The following FSTL4 variants were observed in gnomAD, a reference collection of about 807,000 sequenced individuals.
FSTL4 encodes follistatin-related protein 4.
FSTL4 carries 28 observed loss-of-function variants against 78.2 expected under a neutral mutation model. The ratio of observed to expected loss-of-function variants is 0.36; its 90% CI spans 0.27 to 0.49. FSTL4 has a LOEUF of 0.49. FSTL4 is among the 20% of genes least tolerant of loss of function. FSTL4 has a pLI of 0.98. For missense variants in FSTL4, 922 were observed against 1,084.9 expected, an observed-to-expected ratio of 0.85 and a Z score of 2.11; for synonymous variants, 422 against 440.5, an observed-to-expected ratio of 0.96 and a Z score of 0.53.
intron 6 of FSTL4, among the ~76,000 whole-genome samples, chr5:133,258,898 C>A (rs1036287624): frequency 6.6e-6 from 1 of 152,192 alleles, no homozygotes; most frequent in Non-Finnish European, 1.5e-5. Context: ...AGGTCAGGAA[C>A]CTTCTGAGAA....
At chr5:133,324,223 G>A (rs7729554) in intron 4 of FSTL4, among the ~76,000 whole-genome samples, 91,610 of 152,086 alleles carry the variant, frequency 0.6, 28,230 homozygotes, top group Middle Eastern at 0.68. Context: ...TGTAAAAGGC[G>A]TGGGTGGGGC....
chr5:133,501,277 A>C (rs533206614), intron 3 of FSTL4, among the ~76,000 whole-genome samples: 33 of 152,310 alleles, frequency 2.2e-4, no homozygotes, highest in Non-Finnish European at 4.3e-4. Context: ...AAGAAAAAAA[A>C]AAAATAAAAA....
chr5:133,589,987 C>T (rs1760590122), intron 2 of FSTL4, among the ~76,000 whole-genome samples: 1 of 152,170 alleles, frequency 6.6e-6, no homozygotes, highest in Non-Finnish European at 1.5e-5. Flanking sequence ...AATTAATCTA[C>T]TTAGTGCTTT....
the FSTL4 span, among the ~76,000 whole-genome samples, chr5:133,730,285 A>C: frequency 6.6e-6 from 1 of 152,182 alleles, no homozygotes; most frequent in African/African-American, 2.4e-5. Context: ...GTGTCCCCTC[A>C]TCAAGATTCT....
At chr5:133,415,644 G>A (rs1756565291) in intron 3 of FSTL4, among the ~76,000 whole-genome samples, 1 of 152,156 alleles carries the variant, frequency 6.6e-6, no homozygotes, top group Non-Finnish European at 1.5e-5. Context: ...GACATCACAA[G>A]TGGGAGGGTG....
chr5:133,719,980 T>C, the FSTL4 span, among the ~76,000 whole-genome samples: 6 of 152,314 alleles, frequency 3.9e-5, no homozygotes, highest in South Asian at 2.1e-4. Context: ...TGAATATCCA[T>C]ATTCAAGCTT....
chr5:133,359,872 G>C (rs1295953778), intron 4 of FSTL4, among the ~76,000 whole-genome samples: 1 of 152,102 alleles, frequency 6.6e-6, no homozygotes, highest in Non-Finnish European at 1.5e-5. Flanking sequence ...GAGCTTTCCC[G>C]GGGAGCCAAG....
intron 2 of FSTL4, among the ~76,000 whole-genome samples, chr5:133,581,454 T>C (rs1208899651): frequency 6.6e-6 from 1 of 152,212 alleles, no homozygotes; most frequent in Admixed American, 6.5e-5. Flanking sequence ...CGGCATGCAA[T>C]GTCACTCCTC....
intron 4 of FSTL4, among the ~76,000 whole-genome samples, chr5:133,370,773 C>A (rs1244125510): frequency 6.6e-6 from 1 of 152,046 alleles, no homozygotes; most frequent in Non-Finnish European, 1.5e-5. Context: ...CAGCCTCGCC[C>A]TCAGAGCAGA....
chr5:133,360,345 A>G (rs1379849771), intron 4 of FSTL4, among the ~76,000 whole-genome samples: 2 of 152,210 alleles, frequency 1.3e-5, no homozygotes, highest in Non-Finnish European at 2.9e-5. Flanking sequence ...ACCTTAACAC[A>G]TGAAAATGTG....
chr5:133,630,674 T>A, the FSTL4 span, among the ~76,000 whole-genome samples: 2 of 152,228 alleles, frequency 1.3e-5, no homozygotes, highest in African/African-American at 4.8e-5. Flanking sequence ...AAAGAGCCCG[T>A]ATAGTCAAGA....
intron 4 of FSTL4, among the ~76,000 whole-genome samples, chr5:133,318,940 G>A (rs1340827541): frequency 6.6e-6 from 1 of 152,258 alleles, no homozygotes; most frequent in Non-Finnish European, 1.5e-5. Flanking sequence ...CGCCCTGGGA[G>A]TTCTTGGGGT....
chr5:133,748,999 C>T, the FSTL4 span, among the ~76,000 whole-genome samples: 1 of 152,172 alleles, frequency 6.6e-6, no homozygotes, highest in Non-Finnish European at 1.5e-5. Flanking sequence ...TACCCACCCT[C>T]TCAAGGATAG....
the FSTL4 span, among the ~76,000 whole-genome samples, chr5:133,808,858 G>GCCACCCC: frequency 1.5e-5 from 1 of 65,494 alleles, no homozygotes; most frequent in Non-Finnish European, 3.2e-5. Flanking sequence ...CCCGCCCCCC[G>GCCACCCC]CCACCCCCCA....
intron 3 of FSTL4, among the ~76,000 whole-genome samples, chr5:133,532,598 A>C (rs1366449721): frequency 6.6e-6 from 1 of 152,166 alleles, no homozygotes; most frequent in Non-Finnish European, 1.5e-5. Flanking sequence ...GCCACTCATA[A>C]ACAGGACTCT....
intron 3 of FSTL4, among the ~76,000 whole-genome samples, chr5:133,550,174 G>A (rs1331906457): frequency 6.6e-6 from 1 of 152,196 alleles, no homozygotes; most frequent in Non-Finnish European, 1.5e-5. Context: ...GTATTTAAAG[G>A]ATTGCTTAAA....
intron 3 of FSTL4, among the ~76,000 whole-genome samples, chr5:133,565,102 T>C (rs1759998955): frequency 6.6e-6 from 1 of 152,218 alleles, no homozygotes; most frequent in African/African-American, 2.4e-5. Context: ...GAAGACTTTC[T>C]AGACTCTCCT....
chr5:133,532,864 G>A (rs765356399), intron 3 of FSTL4, among the ~76,000 whole-genome samples: 6 of 152,006 alleles, frequency 3.9e-5, no homozygotes, highest in Non-Finnish European at 5.9e-5. Context: ...AAGGGCCCTG[G>A]AGTCTCCCCT....
At chr5:133,418,066 GGAAA>G (rs1756615081) in intron 3 of FSTL4, among the ~76,000 whole-genome samples, 1 of 149,680 alleles carries the variant, frequency 6.7e-6, no homozygotes, top group Non-Finnish European at 1.5e-5. Flanking sequence ...TAAAGAAAAA[GGAAA>G]GAGTGTACCA....
Sources: allele counts gnomAD v4.1 joint callset (sites outside exome capture counted in the v4.1 genomes callset), GRCh38; gene constraint gnomAD v4.1.1; transcripts MANE v1.5; gene names NCBI Gene and HGNC (gene_info 2026-07-23, HGNC 2026-07-21).